The following CHN1 variants were observed in gnomAD, a reference collection of about 807,000 sequenced individuals.
CHN1 encodes chimerin 1.
A neutral mutation model predicts 59.5 loss-of-function variants in CHN1; 37 were observed. The ratio of observed to expected loss-of-function variants is 0.62; its 90% confidence interval spans 0.48 to 0.82. CHN1 has a LOEUF of 0.82. CHN1 is among the 40% of genes least tolerant of loss of function. The probability of loss-of-function intolerance (pLI) is 0.00; values close to 1 mark genes in which losing one functional copy is unlikely to be tolerated. For synonymous variants in CHN1, 206 were observed against 200.4 expected (o/e 1.03, Z -0.24); for missense variants, 469 against 571.0 (o/e 0.82, Z 1.82).
At chr2:174,998,302 C>CAAAA (rs34770658) in intron 1 of CHN1, among the ~76,000 whole-genome samples, 7 of 48,794 alleles carry the variant, frequency 1.4e-4, no homozygotes, top group Admixed American at 3.0e-4. Context: ...GACTCTGTCT[C>CAAAA]AAAAAAAAAA....
rs370612126 is a variant in CHN1 at position 174,801,775 on chromosome 2, A to G, written c.1140T>C (p.His380=). ...MDPDEQLETL[H]EALKLLPPAH... ...CAGGTGGCAGTAGTTTCAGTGCTTC[A>G]TGAAGGGTTTCCAATTGCTCATCCG... Residue 380 remains histidine (H), a synonymous_variant, in exon 12 of 13, where the codon CAT becomes CAC. Coordinates refer to ENST00000409900, the MANE Select transcript of CHN1 (RefSeq NM_001822.7). 3 of 1,613,414 alleles carry G rather than the reference A, an allele frequency of 1.9e-6. No individual in the cohort carries two copies. Among genetic ancestry groups the G allele is most frequent in the Non-Finnish European group, 8.5e-7 (1 of 1,179,436 alleles).
intron 7 of CHN1, among the ~76,000 whole-genome samples, chr2:174,836,023 T>C (rs1353627637): frequency 6.6e-6 from 1 of 152,206 alleles, no homozygotes; most frequent in Non-Finnish European, 1.5e-5. Context: ...AGAATGCCTT[T>C]TGTGTGCAGC....
chr2:174,936,938 A>G (rs1456400057), intron 3 of CHN1, among the ~76,000 whole-genome samples: 2 of 152,184 alleles, frequency 1.3e-5, no homozygotes, highest in African/African-American at 4.8e-5. Context: ...TTATATCTGA[A>G]TTTCAAAATT....
At chr2:174,812,610 T>G (rs1489559888) in intron 8 of CHN1, 128 bp from the exon 9 acceptor site, 2 of 715,534 alleles carry the variant, frequency 2.8e-6, no homozygotes, top group Non-Finnish European at 4.5e-6. Context: ...ACTCCAGCAG[T>G]TCTTTCTTGG....
intron 4 of CHN1, among the ~76,000 whole-genome samples, chr2:174,917,349 G>A (rs542242049): frequency 5.3e-5 from 8 of 151,892 alleles, no homozygotes; most frequent in African/African-American, 1.9e-4. Flanking sequence ...CAGGAGAATC[G>A]CTTGAACCCG....
At chr2:174,941,029 T>A (rs1450133588) in intron 3 of CHN1, among the ~76,000 whole-genome samples, 3 of 152,216 alleles carry the variant, frequency 2.0e-5, no homozygotes, top group South Asian at 2.1e-4. Flanking sequence ...GAGTTTTTTT[T>A]AATTTTAAAG....
intron 6 of CHN1, among the ~76,000 whole-genome samples, chr2:174,863,698 A>C (rs568654325): frequency 9.8e-5 from 15 of 152,316 alleles, no homozygotes; most frequent in African/African-American, 3.6e-4. Flanking sequence ...TCAGAACCGC[A>C]TATCTAATCT....
intron 11 of CHN1, 146 bp downstream of exon 11, chr2:174,808,759 T>G (rs1425014668): frequency 2.4e-6 from 2 of 825,386 alleles, no homozygotes; most frequent in Non-Finnish European, 2.0e-6. Context: ...TAGAGAACAA[T>G]GCAAAATTCT....
intron 4 of CHN1, among the ~76,000 whole-genome samples, chr2:174,917,233 G>T (rs557619224): frequency 6.6e-6 from 1 of 152,122 alleles, no homozygotes; most frequent in South Asian, 2.1e-4. Flanking sequence ...AAGAGTTCAA[G>T]ACCAGCCTGA....
chr2:174,956,663 C>T (rs541182846), intron 1 of CHN1, among the ~76,000 whole-genome samples: 2 of 151,562 alleles, frequency 1.3e-5, no homozygotes, highest in East Asian at 3.9e-4. Flanking sequence ...CCCAGCTACT[C>T]AGGAGGCTGA....
chr2:174,808,397 C>A (rs552611070), intron 11 of CHN1, among the ~76,000 whole-genome samples: 1 of 152,340 alleles, frequency 6.6e-6, no homozygotes, highest in South Asian at 2.1e-4. Context: ...AATTCTCCTG[C>A]CTCAGCCTCC....
At chr2:174,855,527 A>G (rs1157191150) in intron 6 of CHN1, among the ~76,000 whole-genome samples, 1 of 152,188 alleles carries the variant, frequency 6.6e-6, no homozygotes, top group Non-Finnish European at 1.5e-5. Flanking sequence ...ACTTAGATAC[A>G]CAGATTATTC....
At chr2:174,809,756 ATC>A (rs1332024783) in intron 10 of CHN1, among the ~76,000 whole-genome samples, 2 of 152,142 alleles carry the variant, frequency 1.3e-5, no homozygotes, top group African/African-American at 2.4e-5. Context: ...CGTCTATAAC[ATC>A]TCTGTTTCCT....
chr2:174,872,619 A>C (rs1362777505), intron 6 of CHN1, among the ~76,000 whole-genome samples: 1 of 152,198 alleles, frequency 6.6e-6, no homozygotes, highest in Non-Finnish European at 1.5e-5. Context: ...TTAGAGATAG[A>C]GCTATCACCA....
chr2:174,945,169 C>T, intron 2 of CHN1: 1 of 528,926 alleles, frequency 1.9e-6, no homozygotes, highest in South Asian at 2.4e-5. Context: ...TGTCTTTTTA[C>T]CTTATAACAA....
At chr2:174,963,656 A>G (rs1690493850) in intron 1 of CHN1, among the ~76,000 whole-genome samples, 2 of 152,188 alleles carry the variant, frequency 1.3e-5, no homozygotes, top group Admixed American at 1.3e-4. Context: ...CAAATAACGC[A>G]CTATGAGTTC....
At chr2:174,857,147 G>A (rs1390970981) in intron 6 of CHN1, among the ~76,000 whole-genome samples, 1 of 152,164 alleles carries the variant, frequency 6.6e-6, no homozygotes, top group African/African-American at 2.4e-5. Flanking sequence ...AAGTTGGTGG[G>A]AATGGAATTG....
chr2:174,801,667 G>T, intron 12 of CHN1, 40 bp downstream of exon 12: 2 of 1,388,606 alleles, frequency 1.4e-6, no homozygotes, highest in Non-Finnish European at 2.0e-6. Context: ...CTTAAAATTT[G>T]GATGCAATAC....
chr2:174,953,900 T>C, intron 1 of CHN1, among the ~76,000 whole-genome samples: 1 of 152,030 alleles, frequency 6.6e-6, no homozygotes, highest in East Asian at 1.9e-4. Context: ...GCAACTCCCA[T>C]CAAAATACCA....
Sources: allele counts gnomAD v4.1 joint callset (sites outside exome capture counted in the v4.1 genomes callset), GRCh38; gene constraint gnomAD v4.1.1; transcripts MANE v1.5; gene names NCBI Gene and HGNC (gene_info 2026-07-23, HGNC 2026-07-21).